Variants in POLR3B observed in about 807,000 individuals in gnomAD.
The protein encoded by POLR3B is DNA-directed RNA polymerase III subunit RPC2.
POLR3B carries 96 observed loss-of-function variants against 147.4 expected under a neutral mutation model. The observed-to-expected ratio is 0.65, with a 90% confidence interval of 0.55 to 0.77. POLR3B has a LOEUF of 0.77. Among genes scored for constraint, POLR3B ranks in the 30% least tolerant of loss-of-function variants. The probability of loss-of-function intolerance (pLI) is 0.00; values close to 1 mark genes in which losing one functional copy is unlikely to be tolerated. For missense variants in POLR3B, 1,036 were observed against 1,413.5 expected (o/e 0.73, Z 4.28); for synonymous variants, 461 against 485.9 (o/e 0.95, Z 0.67).
intron 10 of POLR3B, among the ~76,000 whole-genome samples, chr12:106,405,596 T>A (rs2037141014): frequency 7.0e-6 from 1 of 143,554 alleles, no homozygotes; most frequent in Non-Finnish European, 1.5e-5. Context: ...ATTTTACTTG[T>A]GTCTGTATTT....
chr12:106,365,666 C>G (rs2036524583), intron 2 of POLR3B, among the ~76,000 whole-genome samples: 1 of 152,044 alleles, frequency 6.6e-6, no homozygotes, highest in African/African-American at 2.4e-5. Flanking sequence ...ACCGACTAGC[C>G]TGGCCAACAT....
At chr12:106,389,722 T>C in intron 9 of POLR3B, among the ~76,000 whole-genome samples, 1 of 152,138 alleles carries the variant, frequency 6.6e-6, no homozygotes, top group Non-Finnish European at 1.5e-5. Flanking sequence ...GTCATGTCTG[T>C]ACTCAGAAGG....
rs1565895217 is a variant in POLR3B, at chr12:106,433,776, T to C, written c.1685T>C (p.Met562Thr). 1 of 1,613,452 alleles carries C rather than the reference T, an allele frequency of 6.2e-7. No homozygotes were observed. Among genetic ancestry groups the C allele is most frequent in the Non-Finnish European group, 8.5e-7 (1 of 1,179,452 alleles). The change falls in exon 16 of 28, where the codon ATG (methionine) becomes ACG (threonine). Residue 562 changes from methionine to threonine, a missense_variant. This residue lies in a region of POLR3B where 177 missense variants were observed against 232.7 expected (regional missense o/e 0.76). Coordinates refer to ENST00000228347, the MANE Select transcript of POLR3B (RefSeq NM_018082.6). The stretch of plus-strand genomic sequence containing the variant: ...AAGCTAGTGAATACATTTCGACTCA[T>C]GAGAAGAGCAGGATATATCAATGAA... ...HKKLVNTFRL[M>T]RRAGYINEFV...
chr12:106,494,264 A>G lies in POLR3B; in HGVS notation c.2714-1791A>G, dbSNP rs369200234. 5.9e-5 allele frequency among the ~76,000 whole-genome samples: 9 copies of G among 152,132 alleles called. No individual in the cohort carries two copies. The East Asian group carries it at 1.7e-3, about 29-fold the overall frequency. On this transcript the variant is annotated intron_variant, in intron 23 of 27. Transcript: ENST00000228347. ...CTCCTTACCCACCCCCAATATAAGT[A>G]TGTCATGCTTCCTTGGTCAGTTTCT...
At chr12:106,441,388 A>T (rs1180468872) in intron 18 of POLR3B, among the ~76,000 whole-genome samples, 1 of 152,218 alleles carries the variant, frequency 6.6e-6, no homozygotes, top group Admixed American at 6.5e-5. Context: ...ACACACATAG[A>T]CTGTATGCTA....
At chr12:106,430,866 A>G (rs535709922) in intron 14 of POLR3B, among the ~76,000 whole-genome samples, 6 of 152,294 alleles carry the variant, frequency 3.9e-5, no homozygotes, top group Admixed American at 1.3e-4. Context: ...GTCACAGCCA[A>G]TTAGGAGTAT....
rs755658678 is a variant in POLR3B at position 106,437,763 on chromosome 12, G to A, written c.1939G>A (p.Glu647Lys). The change falls in exon 18 of 28, where the codon GAA becomes AAA. Residue 647 changes from glutamate to lysine, a missense_variant. By Grantham distance (56) the Glu-to-Lys change is moderately conservative. Transcript: ENST00000228347. ...EENDCNIALY[E>K]HTINKDTTHL... The stretch of plus-strand genomic sequence containing the variant: ...AAATGATTGTAACATTGCACTGTAC[G>A]AACACACAATTAATAAGTAAGTAGG... 6 of 1,578,388 alleles carry A rather than the reference G, an allele frequency of 3.8e-6. No homozygotes were observed. Among genetic ancestry groups the A allele is most frequent in the Middle Eastern group, 3.3e-4 (2 of 5,982 alleles).
At chr12:106,384,272 T>G (rs1411802350) in intron 9 of POLR3B, among the ~76,000 whole-genome samples, 1 of 152,228 alleles carries the variant, frequency 6.6e-6, no homozygotes, top group African/African-American at 2.4e-5. Context: ...TGTTCTAAGA[T>G]GTAAATACTA....
intron 12 of POLR3B, among the ~76,000 whole-genome samples, chr12:106,422,100 T>A (rs1249060817): frequency 6.6e-6 from 1 of 152,222 alleles, no homozygotes; most frequent in East Asian, 1.9e-4. Context: ...TTTGGATCTG[T>A]GTCCCCACCC....
At chr12:106,390,265 T>TC (rs149678346) in intron 9 of POLR3B, among the ~76,000 whole-genome samples, 52,985 of 132,324 alleles carry the variant, frequency 0.4, 11,606 homozygotes, top group African/African-American at 0.61. Context: ...AAAAACTCTC[T>TC]CCCCCCCCAG....
At chr12:106,480,305 C>T (rs1339664558) in intron 23 of POLR3B, among the ~76,000 whole-genome samples, 1 of 152,164 alleles carries the variant, frequency 6.6e-6, no homozygotes, top group Non-Finnish European at 1.5e-5. Context: ...CTCTGTGTCC[C>T]ATGGATAGAA....
At chr12:106,478,872 T>G (rs1185100516) in intron 23 of POLR3B, among the ~76,000 whole-genome samples, 2 of 152,184 alleles carry the variant, frequency 1.3e-5, no homozygotes, top group Non-Finnish European at 2.9e-5. Flanking sequence ...AGGTTGAAAA[T>G]TGTTTTCCCT....
chr12:106,482,733 C>T (rs965510124), intron 23 of POLR3B, among the ~76,000 whole-genome samples: 2 of 152,026 alleles, frequency 1.3e-5, no homozygotes, highest in East Asian at 1.9e-4. Flanking sequence ...GGAAACATGC[C>T]CTGCTGATTT....
rs550409676 is a variant in POLR3B, at chr12:106,499,928, C to T, written c.2985-1395C>T. ...AACAGTGGCCAAGCTTTTCCTTTGC[C>T]TCTCTGCTGTGTCTGTTGTTTCCTT... On this transcript the variant is annotated intron_variant, in intron 25 of 27. Coordinates refer to ENST00000228347, the MANE Select transcript of POLR3B (RefSeq NM_018082.6). 2.1e-5 allele frequency: 7 copies of T among 326,438 alleles called. 1 individual carries two copies. Among genetic ancestry groups the T allele is most frequent in the South Asian group, 1.8e-4 (7 of 37,866 alleles). 20.2% of individuals were successfully genotyped at this position (326,438 alleles called of 1,614,324 possible).
At chr12:106,441,523 A>T (rs538437010) in intron 18 of POLR3B, among the ~76,000 whole-genome samples, 39 of 152,328 alleles carry the variant, frequency 2.6e-4, no homozygotes, top group African/African-American at 8.9e-4. Context: ...AAGGTATAGT[A>T]AAAATGCAGT....
At chr12:106,412,212 T>G (rs1275145935) in intron 12 of POLR3B, among the ~76,000 whole-genome samples, 1 of 152,058 alleles carries the variant, frequency 6.6e-6, no homozygotes, top group Admixed American at 6.5e-5. Flanking sequence ...GTGTCCCAGT[T>G]TTTTGTTTTT....
At chr12:106,358,023 G>C in intron 1 of POLR3B, 72 bp downstream of exon 1, 1 of 1,584,160 alleles carries the variant, frequency 6.3e-7, no homozygotes, top group East Asian at 2.3e-5. Flanking sequence ...GGAGTGCTCG[G>C]GCCGCCAAGG....
At chr12:106,437,025 A>G (rs746062292) in intron 16 of POLR3B, 32 bp from the exon 17 acceptor site, 1 of 1,551,548 alleles carries the variant, frequency 6.4e-7, no homozygotes, top group Non-Finnish European at 8.9e-7. Context: ...CCCTGGAACT[A>G]TTATTAATTT....
At chr12:106,445,296 C>T (rs1239489039) in intron 19 of POLR3B, among the ~76,000 whole-genome samples, 1 of 152,112 alleles carries the variant, frequency 6.6e-6, no homozygotes, top group East Asian at 1.9e-4. Flanking sequence ...AACAGTAACG[C>T]AATCTGGTGT....
Sources: gnomAD v4.1 joint callset for allele counts (sites outside exome capture counted in the v4.1 genomes callset) on GRCh38, gnomAD v4.1.1 for gene constraint, gnomAD v4.1.1 regional missense constraint, MANE v1.5 for transcripts, NCBI Gene and HGNC (gene_info 2026-07-23, HGNC 2026-07-21) for gene names.